ADK: variants seen among roughly 807,000 people sequenced by gnomAD.
The protein encoded by ADK is adenosine kinase, also known as N6,N6-dimethyladenosine kinase.
Under a neutral mutation model 44.7 loss-of-function variants are expected in ADK, and 24 were observed. That is an observed-to-expected ratio of 0.54 (90% confidence interval 0.39 to 0.76). The LOEUF is 0.76. ADK is among the 30% of genes least tolerant of loss of function. The pLI is 0.00. For missense variants in ADK, 321 were observed against 425.1 expected, an observed-to-expected ratio of 0.76 and a Z score of 2.15; for synonymous variants, 128 against 142.6, an observed-to-expected ratio of 0.90 and a Z score of 0.73.
intron 10 of ADK, among the ~76,000 whole-genome samples, chr10:74,680,350 A>G (rs1163127803): frequency 6.6e-6 from 1 of 152,084 alleles, no homozygotes; most frequent in Admixed American, 6.5e-5. Context: ...GTACAGAGCA[A>G]TAAGTATAAT....
At chr10:74,448,518 A>G (rs745747036) in intron 6 of ADK, among the ~76,000 whole-genome samples, 2 of 152,116 alleles carry the variant, frequency 1.3e-5, no homozygotes, top group Non-Finnish European at 2.9e-5. Context: ...ATTACATGCA[A>G]TTTCATCTTT....
At chr10:74,633,109 TG>T (rs1853498653) in intron 9 of ADK, among the ~76,000 whole-genome samples, 1 of 152,152 alleles carries the variant, frequency 6.6e-6, no homozygotes, top group South Asian at 2.1e-4. Context: ...ATATTGGGGA[TG>T]TTTTCTTCTA....
At chr10:74,637,795 G>T (rs1271909202) in intron 9 of ADK, among the ~76,000 whole-genome samples, 1 of 152,216 alleles carries the variant, frequency 6.6e-6, no homozygotes, top group Non-Finnish European at 1.5e-5. Flanking sequence ...TAGATGAGTG[G>T]CTGCCTAGGG....
intron 6 of ADK, among the ~76,000 whole-genome samples, chr10:74,435,348 A>G (rs531702977): frequency 1.3e-5 from 2 of 152,286 alleles, no homozygotes; most frequent in Non-Finnish European, 2.9e-5. Flanking sequence ...ATTAGGTGAC[A>G]TATGGTTGGT....
intron 8 of ADK, among the ~76,000 whole-genome samples, chr10:74,590,706 G>C (rs1392083321): frequency 6.6e-6 from 1 of 151,946 alleles, no homozygotes; most frequent in Non-Finnish European, 1.5e-5. Context: ...CAAGTGGTGG[G>C]TTTTTTTCTA....
intron 6 of ADK, among the ~76,000 whole-genome samples, chr10:74,485,157 A>G (rs145730305): frequency 3.3e-5 from 5 of 152,334 alleles, no homozygotes; most frequent in African/African-American, 9.6e-5. Context: ...TAATATCCAT[A>G]ATATATTTTC....
chr10:74,546,181 G>A (rs147843188), intron 7 of ADK, among the ~76,000 whole-genome samples: 10 of 152,284 alleles, frequency 6.6e-5, no homozygotes, highest in Admixed American at 3.3e-4. Context: ...GAAATTTTGC[G>A]TGATGCTGAG....
intron 10 of ADK, among the ~76,000 whole-genome samples, chr10:74,700,736 A>G (rs1316765085): frequency 2.6e-5 from 4 of 152,336 alleles, no homozygotes; most frequent in South Asian, 4.1e-4. Context: ...GTGGTTGCTT[A>G]AAGGGATGGT....
chr10:74,590,905 A>G (rs1851694690), intron 8 of ADK, among the ~76,000 whole-genome samples: 1 of 152,166 alleles, frequency 6.6e-6, no homozygotes, highest in Admixed American at 6.5e-5. Flanking sequence ...CTGTTGATAC[A>G]TCAGAATTCT....
At chr10:74,167,065 A>G (rs925791873) in intron 1 of ADK, among the ~76,000 whole-genome samples, 1 of 152,242 alleles carries the variant, frequency 6.6e-6, no homozygotes, top group African/African-American at 2.4e-5. Flanking sequence ...AATATTGTGC[A>G]TTGAGTACCT....
intron 10 of ADK, among the ~76,000 whole-genome samples, chr10:74,704,729 T>C (rs1856539585): frequency 6.6e-6 from 1 of 152,232 alleles, no homozygotes; most frequent in Non-Finnish European, 1.5e-5. Context: ...GAGCTTTTTC[T>C]TTTTCTCACA....
intron 7 of ADK, among the ~76,000 whole-genome samples, chr10:74,565,059 C>T (rs186135081): frequency 6.1e-4 from 93 of 152,190 alleles, no homozygotes; most frequent in Middle Eastern, 3.4e-3. Flanking sequence ...TATTCTGTGC[C>T]CAAAGGCCCT....
intron 3 of ADK, among the ~76,000 whole-genome samples, chr10:74,247,670 T>C (rs1016744770): frequency 1.3e-5 from 2 of 152,210 alleles, no homozygotes; most frequent in African/African-American, 2.4e-5. Flanking sequence ...ACCTACTTTT[T>C]CAACAACAAT....
intron 4 of ADK, among the ~76,000 whole-genome samples, chr10:74,337,735 A>G (rs569759244): frequency 6.0e-5 from 9 of 149,384 alleles, no homozygotes; most frequent in East Asian, 3.9e-4. Context: ...GAGCTTGAAG[A>G]TATTGTATAT....
chr10:74,355,974 G>A (rs1395712712), intron 4 of ADK, among the ~76,000 whole-genome samples: 1 of 128,992 alleles, frequency 7.8e-6, no homozygotes, highest in African/African-American at 2.8e-5. Flanking sequence ...GTGTGTGTAT[G>A]TATCTGAAAT....
At chr10:74,548,625 G>A (rs1849921820) in intron 7 of ADK, among the ~76,000 whole-genome samples, 1 of 152,194 alleles carries the variant, frequency 6.6e-6, no homozygotes, top group African/African-American at 2.4e-5. Flanking sequence ...TAGAGATAAA[G>A]AGAGGGAATA....
At chr10:74,699,661 G>A (rs1211363550) in intron 10 of ADK, among the ~76,000 whole-genome samples, 1 of 150,602 alleles carries the variant, frequency 6.6e-6, no homozygotes, top group Non-Finnish European at 1.5e-5. Context: ...GATGACAGAG[G>A]AGACTCTCAA....
At chr10:74,186,481 T>TGGGGTG (rs1238547180) in intron 1 of ADK, among the ~76,000 whole-genome samples, 5 of 146,462 alleles carry the variant, frequency 3.4e-5, no homozygotes, top group Admixed American at 3.4e-4. Flanking sequence ...GCCGGGGGAG[T>TGGGGTG]GGGGTGGGGG....
intron 6 of ADK, among the ~76,000 whole-genome samples, chr10:74,438,874 C>T (rs1845287383): frequency 6.6e-6 from 1 of 152,134 alleles, no homozygotes; most frequent in African/African-American, 2.4e-5. Context: ...TCAGTATCAT[C>T]ACCATTCAAA....
Sources: allele counts gnomAD v4.1 joint callset (sites outside exome capture counted in the v4.1 genomes callset), GRCh38; gene constraint gnomAD v4.1.1; transcripts MANE v1.5; gene names NCBI Gene and HGNC (gene_info 2026-07-23, HGNC 2026-07-21).